The following SPHKAP variants were observed in gnomAD, a reference collection of about 807,000 sequenced individuals.
SPHKAP encodes SPHK1 interactor, AKAP domain containing.
A neutral mutation model predicts 137.5 loss-of-function variants in SPHKAP; 67 were observed. The observed-to-expected ratio is 0.49, with a 90% CI of 0.40 to 0.60. The LOEUF (loss-of-function observed/expected upper bound fraction) is 0.60. SPHKAP is among the 20% of genes least tolerant of loss of function. SPHKAP has a pLI of 0.00. For missense variants in SPHKAP, 2,097 were observed against 2,069.3 expected (o/e 1.01, Z -0.26); for synonymous variants, 813 against 785.3 (o/e 1.04, Z -0.59).
At chr2:228,046,845 A>G (rs1489034822) in intron 3 of SPHKAP, among the ~76,000 whole-genome samples, 1 of 152,194 alleles carries the variant, frequency 6.6e-6, no homozygotes, top group Non-Finnish European at 1.5e-5. Context: ...TTGGGCAAGA[A>G]GAGACAACAC....
intron 11 of SPHKAP, among the ~76,000 whole-genome samples, chr2:227,986,922 G>A (rs1013391131): frequency 1.1e-4 from 16 of 152,322 alleles, no homozygotes; most frequent in East Asian, 1.9e-4. Context: ...CATTAGCCAT[G>A]TGCGTGTCTT....
chr2:228,028,942 G>A (rs1559356199), intron 3 of SPHKAP, among the ~76,000 whole-genome samples: 1 of 127,948 alleles, frequency 7.8e-6, no homozygotes. Context: ...CTATGTTTTT[G>A]AAAGATAAAA....
At chr2:228,055,989 G>A (rs947488231) in intron 3 of SPHKAP, among the ~76,000 whole-genome samples, 24 of 152,122 alleles carry the variant, frequency 1.6e-4, no homozygotes, top group Admixed American at 5.2e-4. Context: ...TGTGTTGTGC[G>A]CAACAGATCC....
At chr2:228,079,933 A>G (rs1272327192) in intron 3 of SPHKAP, among the ~76,000 whole-genome samples, 1 of 152,260 alleles carries the variant, frequency 6.6e-6, no homozygotes, top group African/African-American at 2.4e-5. Context: ...ATCCACAGGC[A>G]AAATAATGAA....
At chr2:228,001,455 G>A (rs1045180937) in intron 7 of SPHKAP, among the ~76,000 whole-genome samples, 10 of 131,510 alleles carry the variant, frequency 7.6e-5, no homozygotes, top group South Asian at 4.7e-4. Flanking sequence ...GTATATATAC[G>A]AATATATACG....
chr2:228,180,813 T>C (rs1700884965), intron 1 of SPHKAP, among the ~76,000 whole-genome samples: 1 of 152,112 alleles, frequency 6.6e-6, no homozygotes, highest in South Asian at 2.1e-4. Context: ...CGCAAAGGAC[T>C]GAGTTAGAAG....
chr2:228,077,187 G>A (rs1379830263), intron 3 of SPHKAP, among the ~76,000 whole-genome samples: 1 of 152,212 alleles, frequency 6.6e-6, no homozygotes, highest in Non-Finnish European at 1.5e-5. Flanking sequence ...TCCTCATGGA[G>A]AACCTCTGCT....
intron 11 of SPHKAP, among the ~76,000 whole-genome samples, chr2:227,990,745 TA>T (rs1457837305): frequency 6.6e-6 from 1 of 152,146 alleles, no homozygotes; most frequent in South Asian, 2.1e-4. Context: ...TAACAGACTC[TA>T]AAAAAGTTCC....
At chr2:228,057,525 CAAAAAAGAGG>C (rs993992299) in intron 3 of SPHKAP, among the ~76,000 whole-genome samples, 24 of 151,492 alleles carry the variant, frequency 1.6e-4, no homozygotes, top group Non-Finnish European at 1.5e-5. Context: ...ACACTGAACG[CAAAAAAGAGG>C]AGAGGAGAGG....
In SPHKAP at chr2:228,181,466, C is replaced by A; in HGVS notation, c.32+101G>T. 2 of 1,527,568 alleles carry A rather than the reference C, an allele frequency of 1.3e-6. No homozygotes were observed. Among genetic ancestry groups the A allele is most frequent in the Non-Finnish European group, 1.8e-6 (2 of 1,101,572 alleles). The allele number at this position is 1,527,568 out of a possible 1,614,324, so 94.6% of individuals were successfully genotyped here. A position where few individuals can be genotyped will look rare whatever the true frequency, so the allele number is the denominator to read the frequency against. On this transcript the variant is annotated intron_variant, in intron 1 of 11. Coordinates refer to ENST00000392056, the MANE Select transcript of SPHKAP (RefSeq NM_001142644.2). The surrounding 1 kb of genome is among the most constrained non-coding windows in gnomAD (Gnocchi z 4.3). The stretch of plus-strand genomic sequence containing the variant: ...ACCCCTGTCTCCTCGCTGGGAGCCC[C>A]GTGCAAACCGAAGCGCTCTGGGGCA...
At chr2:228,145,606 T>C (rs1475089586) in intron 1 of SPHKAP, among the ~76,000 whole-genome samples, 2 of 152,136 alleles carry the variant, frequency 1.3e-5, no homozygotes, top group Non-Finnish European at 2.9e-5. Flanking sequence ...TTCCACTTAA[T>C]TTAGGTAACA....
rs558110405 is a variant in SPHKAP, at chr2:228,098,385, GAATT to G, written c.246+10443_246+10446del. 6.0e-3 allele frequency among the ~76,000 whole-genome samples: 916 copies of G among 152,178 alleles called. 14 individuals are homozygous for G. Among genetic ancestry groups the G allele is most frequent in the African/African-American group, 0.021 (859 of 41,518 alleles). ...CCCAAATGTCCAACAATGATAGACTGAATTAAGAAAATGTGGCACATATACACCA... is the reference window on the plus strand; with the variant it reads ...CCCAAATGTCCAACAATGATAGACTGAAGAAAATGTGGCACATATACACCA... On this transcript the variant is annotated intron_variant, in intron 3 of 11. Transcript: ENST00000392056.
intron 3 of SPHKAP, among the ~76,000 whole-genome samples, chr2:228,092,313 GTGTGTATACGTA>G (rs1478652232): frequency 3.0e-5 from 3 of 99,114 alleles, no homozygotes; most frequent in East Asian, 4.3e-4. Context: ...ACGTGTATGT[GTGTGTATACGTA>G]CACACACACG....
At chr2:228,163,030 A>G (rs1044109692) in intron 1 of SPHKAP, among the ~76,000 whole-genome samples, 1 of 152,178 alleles carries the variant, frequency 6.6e-6, no homozygotes, top group Non-Finnish European at 1.5e-5. Flanking sequence ...TACCATGAGG[A>G]GGTAGCAAAA....
At chr2:228,126,874 G>A (rs1203024416) in intron 2 of SPHKAP, among the ~76,000 whole-genome samples, 1 of 152,130 alleles carries the variant, frequency 6.6e-6, no homozygotes, top group African/African-American at 2.4e-5. Context: ...TAGGATTCCT[G>A]AAACCCTTAG....
rs142824329 is a variant in SPHKAP, at chr2:228,077,669, G to A, written c.246+31163C>T. Among the ~76,000 whole-genome samples the A allele has an allele frequency of 4.8e-3, 728 of 152,350 alleles. 10 individuals are homozygous for A. The highest frequency in any genetic ancestry group is 0.017 in the African/African-American group (694 of 41,572). Reference sequence around the variant, plus strand: ...TGCTTTTGATTTTACAGGCTCATAGGTGGAGGGGATTTGCCCTGTCTCAGA... The same window carrying A: ...TGCTTTTGATTTTACAGGCTCATAGATGGAGGGGATTTGCCCTGTCTCAGA... On this transcript the variant is annotated intron_variant, in intron 3 of 11. Coordinates refer to ENST00000392056, the MANE Select transcript of SPHKAP (RefSeq NM_001142644.2).
At chr2:227,982,955 A>G (rs1465315208) in intron 11 of SPHKAP, among the ~76,000 whole-genome samples, 1 of 152,070 alleles carries the variant, frequency 6.6e-6, no homozygotes, top group Non-Finnish European at 1.5e-5. Flanking sequence ...GGATAAGTAA[A>G]TTCTATGTTC....
intron 1 of SPHKAP, among the ~76,000 whole-genome samples, chr2:228,177,129 C>G (rs964527988): frequency 2.6e-5 from 4 of 151,626 alleles, no homozygotes; most frequent in Non-Finnish European, 5.9e-5. Flanking sequence ...TTTACAAGAT[C>G]ATGGAGCAAG....
chr2:228,020,255 G>A, intron 6 of SPHKAP, 99 bp from the exon 7 acceptor site: 1 of 1,465,424 alleles, frequency 6.8e-7, no homozygotes, highest in Non-Finnish European at 9.1e-7. Context: ...CATCAATAAA[G>A]ACACATGCAC....
Sources: gnomAD v4.1 joint callset for allele counts (sites outside exome capture counted in the v4.1 genomes callset) on GRCh38, gnomAD v4.1.1 for gene constraint, Gnocchi (gnomAD v3.1) non-coding constraint, MANE v1.5 for transcripts, NCBI Gene and HGNC (gene_info 2026-07-23, HGNC 2026-07-21) for gene names.